The following CACNA1C variants were observed in gnomAD, a reference collection of about 807,000 sequenced individuals.
The protein encoded by CACNA1C is calcium voltage-gated channel subunit alpha1 C.
A neutral mutation model predicts 229.0 loss-of-function variants in CACNA1C; 30 were observed. The ratio of observed to expected loss-of-function variants is 0.13; its 90% CI spans 0.10 to 0.18. CACNA1C has a LOEUF of 0.18. Among genes scored for constraint, CACNA1C ranks in the 10% least tolerant of loss-of-function variants. The pLI, the probability that CACNA1C is intolerant of heterozygous loss-of-function variation, is 1.00. For synonymous variants in CACNA1C, 1,114 were observed against 1,132.5 expected, an observed-to-expected ratio of 0.98 and a Z score of 0.33; for missense variants, 1,658 against 2,845.0, an observed-to-expected ratio of 0.58 and a Z score of 9.49.
chr12:2,275,089 C>T lies in CACNA1C; in HGVS notation c.477+154659C>T, dbSNP rs150982002. 1.3e-5 allele frequency among the ~76,000 whole-genome samples: 2 copies of T among 152,318 alleles called. No individual in the cohort carries two copies. Among genetic ancestry groups the T allele is most frequent in the East Asian group, 3.9e-4 (2 of 5,180 alleles). On this transcript the variant is annotated intron_variant, in intron 3 of 46. Transcript: ENST00000399655. The surrounding 1 kb of genome is among the most constrained non-coding windows in gnomAD (Gnocchi z 4.1). ...ACAAGGCGGAAAGGACCGTAATTACCTCCTAACAGGTTTCCACATTTCTCT... is the reference window on the plus strand; with the variant it reads ...ACAAGGCGGAAAGGACCGTAATTACTTCCTAACAGGTTTCCACATTTCTCT...
chr12:2,534,043 G>A (rs1415328706), intron 9 of CACNA1C, among the ~76,000 whole-genome samples: 1 of 152,166 alleles, frequency 6.6e-6, no homozygotes, highest in Non-Finnish European at 1.5e-5. Context: ...GGTCAAGGAG[G>A]CTTCATGGAG....
intron 3 of CACNA1C, among the ~76,000 whole-genome samples, chr12:2,294,063 C>T (rs2093772935): frequency 6.6e-6 from 1 of 152,212 alleles, no homozygotes; most frequent in Admixed American, 6.5e-5. Context: ...CGAGACACAA[C>T]CCTGACCAGA....
At position 2,310,095 on chromosome 12, in the gene CACNA1C, G is replaced by A. The variant is rs1423360057; in HGVS notation, c.478-138881G>A. Among the ~76,000 whole-genome samples, 5 of 152,124 alleles carry A rather than the reference G, an allele frequency of 3.3e-5. No homozygotes were observed. The East Asian group carries it at 5.8e-4, about 18-fold the overall frequency. ...GCTGCTCAGCTCACTGGTTGGCTAC[G>A]AAGCGGAACACTTGCCATACAAAGC... On this transcript the variant is annotated intron_variant, in intron 3 of 46. Coordinates refer to ENST00000399655, the MANE Select transcript of CACNA1C (RefSeq NM_000719.7).
rs937870960 is a variant in CACNA1C at position 2,488,917 on chromosome 12, C to T, written c.916+2655C>T. Among the ~76,000 whole-genome samples the T allele has an allele frequency of 7.9e-5, 12 of 152,198 alleles. 1 individual carries two copies. In the South Asian group the frequency reaches 8.3e-4, roughly 10 times the overall value. On this transcript the variant is annotated intron_variant, in intron 6 of 46. Transcript: ENST00000399655. The surrounding 1 kb of genome is among the most constrained non-coding windows in gnomAD (Gnocchi z 4.0). ...TGTCACTCTTAGCACAACACGATGC[C>T]GCTGCTATCAAGCCCTTGTCCACCC... is the stretch of plus-strand genomic sequence containing the variant.
chr12:2,437,158 G>C (rs915643432), intron 3 of CACNA1C, among the ~76,000 whole-genome samples: 2 of 152,268 alleles, frequency 1.3e-5, no homozygotes, highest in African/African-American at 4.8e-5. Context: ...GTCAGCTTTA[G>C]CTGGGTTACA....
chr12:2,543,844 A>G (rs1002725909), intron 9 of CACNA1C, among the ~76,000 whole-genome samples: 6 of 152,224 alleles, frequency 3.9e-5, no homozygotes, highest in Non-Finnish European at 7.3e-5. Flanking sequence ...TGGACAACAT[A>G]GGACACTTAG....
intron 28 of CACNA1C, among the ~76,000 whole-genome samples, chr12:2,611,631 C>T (rs1164092752): frequency 6.6e-6 from 1 of 152,070 alleles, no homozygotes; most frequent in African/African-American, 2.4e-5. Context: ...AGCTTGTTCC[C>T]AAGCTCTCTT....
In CACNA1C at chr12:2,082,039, CA is replaced by C. The variant is rs151074006; in HGVS notation, c.49+28429del. 8.5e-3 allele frequency among the ~76,000 whole-genome samples: 1,298 copies of C among 152,010 alleles called. 21 individuals are homozygous for C. The highest frequency in any genetic ancestry group is 0.027 in the African/African-American group (1,129 of 41,468). On this transcript the variant is annotated intron_variant, in intron 1 of 46. Transcript: ENST00000399655. The stretch of plus-strand genomic sequence containing the variant: ...TTGAGAGGTAAGAAAACAGGGGGGA[CA>C]GGGGGGATATTCACTTCAGTGCTGC...
At chr12:2,538,978 A>G (rs1050420071) in intron 9 of CACNA1C, among the ~76,000 whole-genome samples, 1 of 152,184 alleles carries the variant, frequency 6.6e-6, no homozygotes, top group Non-Finnish European at 1.5e-5. Context: ...TCCAGCCTGC[A>G]AATGTGCATT....
At chr12:2,656,790 A>G (rs906549316) in intron 34 of CACNA1C, among the ~76,000 whole-genome samples, 5 of 152,262 alleles carry the variant, frequency 3.3e-5, no homozygotes, top group Non-Finnish European at 5.9e-5. Flanking sequence ...ATTTACAGCC[A>G]GTTGATTTTC....
intron 13 of CACNA1C, among the ~76,000 whole-genome samples, chr12:2,572,342 C>T (rs12822980): frequency 1.9e-5 from 2 of 107,512 alleles, no homozygotes; most frequent in African/African-American, 3.5e-5. Context: ...TCTCTTCTTC[C>T]TCCTCCTCCT....
intron 10 of CACNA1C, among the ~76,000 whole-genome samples, chr12:2,553,667 A>G (rs777562659): frequency 1.3e-5 from 2 of 152,248 alleles, no homozygotes; most frequent in African/African-American, 2.4e-5. Flanking sequence ...TTAGCCATGC[A>G]GGCATGGCAG....
chr12:2,126,679 C>G (rs117603352), intron 3 of CACNA1C, among the ~76,000 whole-genome samples: 18 of 152,250 alleles, frequency 1.2e-4, no homozygotes, highest in Non-Finnish European at 2.5e-4. Flanking sequence ...AGAAGCCGTC[C>G]GTCAGAGGGG....
chr12:2,278,611 T>C (rs554273198), intron 3 of CACNA1C, among the ~76,000 whole-genome samples: 147 of 152,398 alleles, frequency 9.6e-4, no homozygotes, highest in African/African-American at 3.4e-3. Context: ...TTGTGTTCCA[T>C]TGTATGGATA....
chr12:2,395,592 A>G (rs908880028), intron 3 of CACNA1C, among the ~76,000 whole-genome samples: 136 of 152,196 alleles, frequency 8.9e-4, no homozygotes, highest in Middle Eastern at 3.4e-3. Flanking sequence ...AGTTACAGGG[A>G]AAGCAAGTCG....
At chr12:2,457,808 A>C (rs2099447145) in intron 5 of CACNA1C, 102 bp downstream of exon 5, 1 of 1,058,532 alleles carries the variant, frequency 9.4e-7, no homozygotes, top group Admixed American at 2.9e-5. Flanking sequence ...CTGATTCCAT[A>C]TAAATGGAGG....
intron 3 of CACNA1C, chr12:2,288,964 C>G (rs1050594880): frequency 3.9e-5 from 6 of 152,206 alleles, no homozygotes; most frequent in African/African-American, 1.4e-4. Flanking sequence ...ACAGAAATGC[C>G]AAGCTGTCAG....
At chr12:2,002,685 G>C (rs2042440041) in intron 1 of CACNA1C, among the ~76,000 whole-genome samples, 1 of 152,186 alleles carries the variant, frequency 6.6e-6, no homozygotes. Flanking sequence ...GAATCCCAGT[G>C]TCAAGTCAAC....
intron 3 of CACNA1C, among the ~76,000 whole-genome samples, chr12:2,218,961 G>A (rs1272770882): frequency 6.6e-6 from 1 of 152,156 alleles, no homozygotes; most frequent in Admixed American, 6.5e-5. Context: ...CAAGGCATTC[G>A]GCACAGGAAT....
Sources: gnomAD v4.1 joint callset for allele counts (sites outside exome capture counted in the v4.1 genomes callset) on GRCh38, gnomAD v4.1.1 for gene constraint, Gnocchi (gnomAD v3.1) non-coding constraint, MANE v1.5 for transcripts, NCBI Gene and HGNC (gene_info 2026-07-23, HGNC 2026-07-21) for gene names.